GREM2: variants seen among roughly 807,000 people sequenced by gnomAD.
The protein encoded by GREM2 is gremlin 2, DAN family BMP antagonist, also known as gremlin-2.
A neutral mutation model predicts 14.2 loss-of-function variants in GREM2; 11 were observed. The ratio of observed to expected loss-of-function variants is 0.78; its 90% confidence interval spans 0.49 to 1.28. The LOEUF is 1.28. Ranked by LOEUF, GREM2 falls within the 50% of genes most tolerant of loss-of-function variation. GREM2 has a pLI of 0.00. For synonymous variants in GREM2, 98 were observed against 97.6 expected, an observed-to-expected ratio of 1.00 and a Z score of -0.02; for missense variants, 210 against 218.5, an observed-to-expected ratio of 0.96 and a Z score of 0.24.
chr1:240,573,247 G>C (rs544665591), intron 1 of GREM2, among the ~76,000 whole-genome samples: 1 of 152,144 alleles, frequency 6.6e-6, no homozygotes, highest in Non-Finnish European at 1.5e-5. Context: ...AGGATCACTC[G>C]AGCTCAGGAC....
chr1:240,494,348 A>T (rs920396118), intron 1 of GREM2, among the ~76,000 whole-genome samples: 5 of 152,246 alleles, frequency 3.3e-5, no homozygotes, highest in Admixed American at 6.5e-5. Context: ...ATTTGAAGCC[A>T]GCCAGACATC....
chr1:240,611,044 G>A (rs1279379091), intron 1 of GREM2, among the ~76,000 whole-genome samples: 1 of 146,498 alleles, frequency 6.8e-6, no homozygotes, highest in Non-Finnish European at 1.5e-5. Flanking sequence ...TCAGGAAATA[G>A]ATTTTTTTAA....
intron 1 of GREM2, among the ~76,000 whole-genome samples, chr1:240,505,227 C>A (rs1290557163): frequency 2.0e-5 from 3 of 152,136 alleles, no homozygotes; most frequent in African/African-American, 7.2e-5. Flanking sequence ...AGCAGATGAC[C>A]AACATCATGC....
intron 1 of GREM2, among the ~76,000 whole-genome samples, chr1:240,586,071 C>T (rs538487672): frequency 6.6e-6 from 1 of 151,334 alleles, no homozygotes; most frequent in South Asian, 2.1e-4. Context: ...GCAGAAAAGC[C>T]CTTTCTGTGA....
chr1:240,498,383 T>C (rs564912161), intron 1 of GREM2, among the ~76,000 whole-genome samples: 1 of 152,230 alleles, frequency 6.6e-6, no homozygotes, highest in South Asian at 2.1e-4. Context: ...CACATAGCAA[T>C]AGTAAGATGG....
chr1:240,491,667 C>T lies in GREM2; in HGVS notation c.*1302G>A, dbSNP rs1368065944. 6.6e-6 allele frequency: 1 copy of T among 152,590 alleles called. No homozygotes were observed. The highest frequency in any genetic ancestry group is 6.5e-5 in the Admixed American group (1 of 15,268). The allele number at this position is 152,590 out of a possible 1,614,324, so 9.5% of individuals were successfully genotyped here. A position where few individuals can be genotyped will look rare whatever the true frequency, so the allele number is the denominator to read the frequency against. On this transcript the variant is annotated 3_prime_UTR_variant, in exon 2 of 2. Transcript: ENST00000318160. ...TTCTATATCTTTTATTCCTTACTCC[C>T]TTCTATACCACAAAGCGACTCAACT... is the stretch of plus-strand genomic sequence containing the variant.
chr1:240,539,505 A>G (rs1678542663), intron 1 of GREM2, among the ~76,000 whole-genome samples: 1 of 152,216 alleles, frequency 6.6e-6, no homozygotes, highest in Admixed American at 6.5e-5. Flanking sequence ...AGATTTTACT[A>G]TACCCTCTGA....
rs930306585 is a variant in GREM2, at chr1:240,510,297, G to A, written c.-1-16821C>T. Among the ~76,000 whole-genome samples the A allele has an allele frequency of 4.0e-5, 6 of 149,782 alleles. No homozygotes were observed. The Admixed American group carries it at 4.0e-4, about 10-fold the overall frequency. ...AGGCAGGAGAATGGCGTGAACCGGG[G>A]AGGCGGAGCTTGCACTGAGCAGAGA... On this transcript the variant is annotated intron_variant, in intron 1 of 1. Transcript: ENST00000318160.
intron 1 of GREM2, among the ~76,000 whole-genome samples, chr1:240,503,958 TTAA>T (rs1677627097): frequency 6.6e-6 from 1 of 152,204 alleles, no homozygotes; most frequent in Non-Finnish European, 1.5e-5. Flanking sequence ...TAAATGTTTA[TTAA>T]TTTATGAATG....
Position 240,543,243 on chromosome 1 carries a change from TA to T in GREM2, c.-1-49768del, listed in dbSNP as rs1427111182. ...AGAGAAAATGCACTGTAAAATGTGT[TA>T]GGTAATCTATTAGTCTGTCGTCATG... On this transcript the variant is annotated intron_variant, in intron 1 of 1. Transcript: ENST00000318160. The surrounding 1 kb of genome is among the most constrained non-coding windows in gnomAD (Gnocchi z 6.4). 2.0e-5 allele frequency among the ~76,000 whole-genome samples: 3 copies of T among 152,240 alleles called. No homozygotes were observed. Among genetic ancestry groups the T allele is most frequent in the Non-Finnish European group, 2.9e-5 (2 of 68,048 alleles).
At chr1:240,511,105 C>T (rs1201370582) in intron 1 of GREM2, among the ~76,000 whole-genome samples, 1 of 152,134 alleles carries the variant, frequency 6.6e-6, no homozygotes, top group Non-Finnish European at 1.5e-5. Flanking sequence ...CTGTTTTGAA[C>T]ACTAGTGTAC....
At position 240,493,139 on chromosome 1, in the gene GREM2, C is replaced by G; in HGVS notation, c.337G>C (p.Glu113Gln). The change falls in exon 2 of 2, where the codon GAG becomes CAG. Residue 113 changes from glutamate (E) to glutamine (Q), a missense_variant. Coordinates refer to ENST00000318160, the MANE Select transcript of GREM2 (RefSeq NM_022469.4). ...GCGCAGGACTGGAAGGACTCCTCCTCCTTCTTCACGTGCCGCGGGATGTAG... is the reference window on the plus strand; with the variant it reads ...GCGCAGGACTGGAAGGACTCCTCCTGCTTCTTCACGTGCCGCGGGATGTAG... ...SFYIPRHVKKEEESFQSCAFC... is the reference protein window; with the variant it reads ...SFYIPRHVKKQEESFQSCAFC... The G allele has an allele frequency of 6.2e-7, 1 of 1,614,208 alleles. No homozygotes were observed. Among genetic ancestry groups the G allele is most frequent in the Non-Finnish European group, 8.5e-7 (1 of 1,180,032 alleles).
At chr1:240,579,192 A>T (rs1679433524) in intron 1 of GREM2, among the ~76,000 whole-genome samples, 1 of 152,236 alleles carries the variant, frequency 6.6e-6, no homozygotes. Context: ...GGAAGCTGGC[A>T]GATTTGTGGA....
intron 1 of GREM2, among the ~76,000 whole-genome samples, chr1:240,538,185 A>C (rs1256752023): frequency 6.6e-6 from 1 of 152,246 alleles, no homozygotes; most frequent in Non-Finnish European, 1.5e-5. Context: ...AAGCTAACCT[A>C]AAACGTTCAG....
chr1:240,494,793 T>C (rs953206694), intron 1 of GREM2, among the ~76,000 whole-genome samples: 4 of 151,856 alleles, frequency 2.6e-5, no homozygotes, highest in Non-Finnish European at 4.4e-5. Flanking sequence ...CCCAGCTACT[T>C]GGGAGGCTGA....
At chr1:240,521,578 A>C (rs1678099707) in intron 1 of GREM2, among the ~76,000 whole-genome samples, 1 of 152,148 alleles carries the variant, frequency 6.6e-6, no homozygotes, top group South Asian at 2.1e-4. Flanking sequence ...CTCAAAAAAA[A>C]ACAAAAAAAC....
chr1:240,576,003 G>A (rs1679366914), intron 1 of GREM2, among the ~76,000 whole-genome samples: 1 of 151,878 alleles, frequency 6.6e-6, no homozygotes, highest in Non-Finnish European at 1.5e-5. Context: ...AAAGAAATGT[G>A]CCCAAAATAA....
At chr1:240,602,283 G>A (rs1679939499) in intron 1 of GREM2, among the ~76,000 whole-genome samples, 1 of 152,128 alleles carries the variant, frequency 6.6e-6, no homozygotes, top group South Asian at 2.1e-4. Flanking sequence ...GGTACTTAGT[G>A]GGCCAGAATT....
chr1:240,515,566 C>T (rs1394460765), intron 1 of GREM2, among the ~76,000 whole-genome samples: 1 of 152,110 alleles, frequency 6.6e-6, no homozygotes, highest in Non-Finnish European at 1.5e-5. Context: ...TCTGGGAGGG[C>T]ACTTTTGAGA....
Sources: allele counts gnomAD v4.1 joint callset (sites outside exome capture counted in the v4.1 genomes callset), GRCh38; gene constraint gnomAD v4.1.1; non-coding constraint Gnocchi (gnomAD v3.1); transcripts MANE v1.5; gene names NCBI Gene and HGNC (gene_info 2026-07-23, HGNC 2026-07-21).